The following AIFM3 variants were observed in gnomAD, a reference collection of about 807,000 sequenced individuals.
AIFM3 encodes the protein apoptosis-inducing factor 3.
AIFM3 carries 71 observed loss-of-function variants against 82.7 expected under a neutral mutation model. That is an observed-to-expected ratio of 0.86 (90% CI 0.71 to 1.05). The LOEUF is 1.05. AIFM3 is among the 50% of genes least tolerant of loss of function. The probability of loss-of-function intolerance (pLI) is 0.00; values close to 1 mark genes in which losing one functional copy is unlikely to be tolerated. For synonymous variants in AIFM3, 337 were observed against 329.1 expected, an observed-to-expected ratio of 1.02 and a Z score of -0.26; for missense variants, 748 against 816.7, an observed-to-expected ratio of 0.92 and a Z score of 1.03.
chr22:20,973,445 C>T lies in AIFM3; in HGVS notation c.170C>T (p.Thr57Ile). Residue 57 changes from threonine to isoleucine, a missense_variant, in exon 3 of 21, where the codon ACC becomes ATC. This residue lies in a region of AIFM3 where 148 missense variants were observed against 134.1 expected (regional missense o/e 1.10). Coordinates refer to ENST00000440238, the MANE Select transcript of AIFM3 (RefSeq NM_001386814.1). Reference sequence around the variant, plus strand: ...TTCCACACGGAGGAGCGCCTGTCCACCCCTCACCCCTACCCCAGCCCTCAG... The same window carrying T: ...TTCCACACGGAGGAGCGCCTGTCCATCCCTCACCCCTACCCCAGCCCTCAG... ...RHFHTEERLSTPHPYPSPQDC... is the reference protein window; with the variant it reads ...RHFHTEERLSIPHPYPSPQDC... The T allele has an allele frequency of 1.2e-6, 2 of 1,613,188 alleles. No homozygotes were observed. The highest frequency in any genetic ancestry group is 2.2e-5 in the South Asian group (2 of 91,076).
chr22:20,969,806 AG>A (rs1038721651), intron 2 of AIFM3, among the ~76,000 whole-genome samples: 28 of 152,272 alleles, frequency 1.8e-4, no homozygotes, highest in African/African-American at 6.5e-4. Flanking sequence ...GTCAGGCATG[AG>A]GCTCAGGGAA....
At chr22:20,969,341 A>G (rs1231711868) in intron 2 of AIFM3, among the ~76,000 whole-genome samples, 2 of 152,178 alleles carry the variant, frequency 1.3e-5, no homozygotes, top group East Asian at 3.9e-4. Flanking sequence ...GGCCTTGGGC[A>G]GGTGATTTCC....
rs1246897098 is a variant in AIFM3, at chr22:20,968,024, C to T, written c.31+49C>T. The T allele has an allele frequency of 2.6e-6, 4 of 1,514,078 alleles. No homozygotes were observed. In the Admixed American group the frequency reaches 6.1e-5, roughly 23 times the overall value. The allele number at this position is 1,514,078 out of a possible 1,614,324, so 93.8% of individuals were successfully genotyped here. A position where few individuals can be genotyped will look rare whatever the true frequency, so the allele number is the denominator to read the frequency against. On this transcript the variant is annotated intron_variant, in intron 2 of 20. Coordinates refer to ENST00000440238, the MANE Select transcript of AIFM3 (RefSeq NM_001386814.1). ...ATCCTTTCTCCTCCCTCCCCGCCTC[C>T]TCCTCCCCCGTCTCCCCCCCCTCCC...
intron 16 of AIFM3, 79 bp downstream of exon 16, chr22:20,978,084 G>A: frequency 7.3e-7 from 1 of 1,373,946 alleles, no homozygotes; most frequent in Non-Finnish European, 1.0e-6. Flanking sequence ...TGCCTCAGTT[G>A]CTGACCTTGG....
chr22:20,968,037 T>TCCCCCCC (rs11334069), intron 2 of AIFM3, 62 bp downstream of exon 2: 2 of 1,451,074 alleles, frequency 1.4e-6, no homozygotes, highest in African/African-American at 1.4e-5. Context: ...CTCCCCCGTC[T>TCCCCCCC]CCCCCCCCTC....
chr22:20,981,188 C>A lies in AIFM3; in HGVS notation c.*157C>A. 1 of 994,642 alleles carries A rather than the reference C, an allele frequency of 1.0e-6. No homozygotes were observed. The highest frequency in any genetic ancestry group is 1.5e-6 in the Non-Finnish European group (1 of 672,918). 61.6% of individuals were successfully genotyped at this position (994,642 alleles called of 1,614,324 possible). ...GCCACCTGGCTCCCCTCCTGGGAGG[C>A]CTCTGCTGGATCCAGAAGATGCTCA... On this transcript the variant is annotated 3_prime_UTR_variant, in exon 21 of 21. Coordinates refer to ENST00000440238, the MANE Select transcript of AIFM3 (RefSeq NM_001386814.1).
At position 20,979,369 on chromosome 22, in the gene AIFM3, G is replaced by A. The variant is rs748974196; in HGVS notation, c.1576G>A (p.Gly526Ser). 9 of 1,551,896 alleles carry A rather than the reference G, an allele frequency of 5.8e-6. No homozygotes were observed. The highest frequency in any genetic ancestry group is 7.8e-6 in the Non-Finnish European group (9 of 1,147,844). ...GTTTGGCAAGAGCCTGCGCTACGCGGGTAACCCCGGGGCCTCGGATGGGGG... is the reference window on the plus strand; with the variant it reads ...GTTTGGCAAGAGCCTGCGCTACGCGAGTAACCCCGGGGCCTCGGATGGGGG... ...AMFGKSLRYA[G>S]YGEGFDDVII... The change falls in exon 17 of 21, where the codon GGC (glycine) becomes AGC (serine). Residue 526 changes from glycine to serine, a missense_variant and splice_region_variant. Gly to Ser is a moderately conservative substitution (Grantham distance 56). Transcript: ENST00000440238.
At chr22:20,980,910 C>T in intron 20 of AIFM3, 82 bp from the exon 21 acceptor site, 2 of 1,611,090 alleles carry the variant, frequency 1.2e-6, no homozygotes, top group Non-Finnish European at 1.7e-6. Context: ...CCCTGCTGTC[C>T]TCAAGGGCCA....
rs1393649338 is a variant in AIFM3 at position 20,976,553 on chromosome 22, G to A, written c.1030+15G>A. ...CGGCTTCCTGGGTGAGAGGTAGTGG[G>A]CAGTGGAGATGGTGGTCAGGTCGTC... On this transcript the variant is annotated intron_variant, in intron 11 of 20. Transcript: ENST00000440238. The A allele has an allele frequency of 6.2e-7, 1 of 1,613,012 alleles. No individual in the cohort carries two copies. Among genetic ancestry groups the A allele is most frequent in the South Asian group, 1.1e-5 (1 of 91,082 alleles).
At position 20,981,046 on chromosome 22, in the gene AIFM3, G is replaced by C. The variant is rs1364405166; in HGVS notation, c.*15G>C. 6.2e-7 allele frequency: 1 copy of C among 1,614,118 alleles called. No homozygotes were observed. The highest frequency in any genetic ancestry group is 1.3e-5 in the African/African-American group (1 of 75,062). The stretch of plus-strand genomic sequence containing the variant: ...AAGGATCCTGAGCTCACATGCAGTA[G>C]ACTTGGGCAGGCAAAGGGGGCACCA... On this transcript the variant is annotated 3_prime_UTR_variant, in exon 21 of 21. Coordinates refer to ENST00000440238, the MANE Select transcript of AIFM3 (RefSeq NM_001386814.1).
At chr22:20,979,859 A>G (rs968679134) in intron 18 of AIFM3, 157 bp downstream of exon 18, 4 of 1,165,906 alleles carry the variant, frequency 3.4e-6, no homozygotes, top group Admixed American at 2.3e-5. Flanking sequence ...GTGCACGGTC[A>G]AGCCGCGATG....
intron 14 of AIFM3, 156 bp from the exon 15 acceptor site, chr22:20,977,544 C>A: frequency 2.4e-6 from 2 of 830,248 alleles, no homozygotes; most frequent in Non-Finnish European, 1.9e-6. Context: ...CTGTGGGAGA[C>A]CGGGTAGTGG....
chr22:20,965,246 C>T (rs867346231), upstream of AIFM3: 2 of 150,796 alleles, frequency 1.3e-5, no homozygotes, highest in East Asian at 3.9e-4. Context: ...CCCGGAACCC[C>T]GGTCCCCGCC....
chr22:20,975,346 A>G (rs571949559), intron 8 of AIFM3, among the ~76,000 whole-genome samples: 1 of 148,044 alleles, frequency 6.8e-6, no homozygotes, highest in African/African-American at 2.5e-5. Context: ...TGCAGCGTCG[A>G]CCTCCACCTC....
At chr22:20,972,716 G>C (rs2147939567) in intron 2 of AIFM3, among the ~76,000 whole-genome samples, 1 of 152,266 alleles carries the variant, frequency 6.6e-6, no homozygotes, top group East Asian at 1.9e-4. Context: ...AGGGTCGAAG[G>C]AACTCAGCTC....
chr22:20,979,222 G>GGAGTGGTAAGAGCGA (rs1383637735), intron 16 of AIFM3, 49 bp from the exon 17 acceptor site: 1 of 1,539,138 alleles, frequency 6.5e-7, no homozygotes, highest in East Asian at 2.4e-5. Context: ...AGGTAGTGTG[G>GGAGTGGTAAGAGCGA]GAGTGGTAAG....
chr22:20,967,169 C>G (rs1922939664), upstream of AIFM3: 1 of 152,240 alleles, frequency 6.6e-6, no homozygotes, highest in Non-Finnish European at 1.5e-5. Context: ...CTCCTGGCCA[C>G]AGCTTGAGCT....
At chr22:20,965,850 C>T (rs1169990771), upstream of AIFM3, among the ~76,000 whole-genome samples, 3 of 152,082 alleles carry the variant, frequency 2.0e-5, no homozygotes, top group Admixed American at 6.5e-5. Context: ...TCCCGCCTCA[C>T]AGGTCCTGGG....
At chr22:20,966,326 T>C (rs916494647), upstream of AIFM3, among the ~76,000 whole-genome samples, 5 of 152,178 alleles carry the variant, frequency 3.3e-5, no homozygotes, top group Non-Finnish European at 5.9e-5. Context: ...CAGGTGGCAG[T>C]TGAGTTTTAC....
Sources: allele counts gnomAD v4.1 joint callset (sites outside exome capture counted in the v4.1 genomes callset), GRCh38; gene constraint gnomAD v4.1.1; regional missense constraint gnomAD v4.1.1; transcripts MANE v1.5; gene names NCBI Gene and HGNC (gene_info 2026-07-23, HGNC 2026-07-21).